RNF19B: variants seen among roughly 807,000 people sequenced by gnomAD.
The protein encoded by RNF19B is ring finger protein 19B.
Under a neutral mutation model 65.5 loss-of-function variants are expected in RNF19B, and 23 were observed. The observed-to-expected ratio is 0.35, with a 90% CI of 0.25 to 0.50. RNF19B has a LOEUF of 0.50. RNF19B is among the 20% of genes least tolerant of loss of function. The pLI, the probability that RNF19B is intolerant of heterozygous loss-of-function variation, is 0.98. For missense variants in RNF19B, 794 were observed against 980.0 expected (o/e 0.81, Z 2.53); for synonymous variants, 372 against 379.6 (o/e 0.98, Z 0.23).
At chr1:32,943,952 C>G in intron 6 of RNF19B, 67 bp downstream of exon 6, 1 of 1,491,336 alleles carries the variant, frequency 6.7e-7, no homozygotes, top group Non-Finnish European at 9.2e-7. Flanking sequence ...GTAAAATGCG[C>G]TGAATTTTAC....
intron 1 of RNF19B, among the ~76,000 whole-genome samples, chr1:32,958,101 C>T (rs1436992102): frequency 6.6e-6 from 1 of 152,136 alleles, no homozygotes; most frequent in Non-Finnish European, 1.5e-5. Context: ...AATAAGGACA[C>T]TAACCAAAGG....
At chr1:32,938,677 C>T in intron 7 of RNF19B, 149 bp from the exon 8 acceptor site, 1 of 757,988 alleles carries the variant, frequency 1.3e-6, no homozygotes, top group East Asian at 2.6e-5. Flanking sequence ...AAATAGATGC[C>T]CATACATTTT....
intron 1 of RNF19B, among the ~76,000 whole-genome samples, chr1:32,961,082 T>C (rs538874819): frequency 4.1e-4 from 63 of 152,290 alleles, no homozygotes; most frequent in Non-Finnish European, 7.4e-4. Context: ...ATTTGGCAAC[T>C]AACAGAATTT....
chr1:32,952,650 G>A (rs112577000), intron 1 of RNF19B, among the ~76,000 whole-genome samples: 20,260 of 151,410 alleles, frequency 0.13, 1,947 homozygotes, highest in African/African-American at 0.25. Context: ...GCTGAGGGAG[G>A]AGAATCGCTT....
At chr1:32,935,233 G>A (rs184050198), downstream of RNF19B, among the ~76,000 whole-genome samples, 67 of 152,036 alleles carry the variant, frequency 4.4e-4, no homozygotes, top group East Asian at 0.012. Flanking sequence ...CACCTCCCAG[G>A]TTCAAGCGAT....
intron 7 of RNF19B, among the ~76,000 whole-genome samples, chr1:32,940,598 T>C (rs1642209449): frequency 6.6e-6 from 1 of 152,224 alleles, no homozygotes; most frequent in South Asian, 2.1e-4. Flanking sequence ...GTCATCTTAA[T>C]CTACCTTTTG....
chr1:32,954,886 A>G (rs756623375), intron 1 of RNF19B, among the ~76,000 whole-genome samples: 18 of 152,078 alleles, frequency 1.2e-4, no homozygotes, highest in Non-Finnish European at 7.4e-5. Context: ...AAAACATCGT[A>G]CACTCTGTCC....
At position 32,956,856 on chromosome 1, in the gene RNF19B, GC is replaced by G. The variant is rs5773390; in HGVS notation, c.636-7083del. Among the ~76,000 whole-genome samples the G allele has an allele frequency of 9.1e-3, 1,391 of 152,190 alleles. 20 individuals are homozygous for G. Among genetic ancestry groups the G allele is most frequent in the African/African-American group, 0.032 (1,326 of 41,508 alleles). Reference sequence around the variant, plus strand: ...TCCCCAAGTCATGTAACATAACTAGGCTACCCATTTACAAATAGACCCCTAG... The same window carrying G: ...TCCCCAAGTCATGTAACATAACTAGGTACCCATTTACAAATAGACCCCTAG... On this transcript the variant is annotated intron_variant, in intron 1 of 8. Coordinates refer to ENST00000235150, the MANE Select transcript of RNF19B (RefSeq NM_001300826.2).
intron 3 of RNF19B, among the ~76,000 whole-genome samples, chr1:32,947,386 G>A (rs1350147866): frequency 1.3e-5 from 2 of 152,170 alleles, no homozygotes; most frequent in African/African-American, 4.8e-5. Flanking sequence ...GAGGCTGGGC[G>A]CGGTGGCTCG....
rs911324471 is a variant in RNF19B, at chr1:32,954,365, C to T, written c.636-4591G>A. 1.7e-4 allele frequency among the ~76,000 whole-genome samples: 26 copies of T among 152,028 alleles called. 1 individual carries two copies. In the East Asian group the frequency reaches 4.6e-3, roughly 27 times the overall value. On this transcript the variant is annotated intron_variant, in intron 1 of 8. Transcript: ENST00000235150. The stretch of plus-strand genomic sequence containing the variant: ...CTACGACACAGAATTACTCAGGGCA[C>T]GAGATTTGGCATTCCTGTTTTTGGG...
At chr1:32,952,445 A>C (rs1321868375) in intron 1 of RNF19B, among the ~76,000 whole-genome samples, 4 of 147,718 alleles carry the variant, frequency 2.7e-5, no homozygotes, top group South Asian at 4.3e-4. Context: ...AAAAAAAAAA[A>C]AAAAAAAAAA....
chr1:32,938,535 A>G lies in RNF19B; in HGVS notation c.1611-7T>C, dbSNP rs761303761. The G allele has an allele frequency of 9.9e-6, 16 of 1,613,464 alleles. No homozygotes were observed. Among genetic ancestry groups the G allele is most frequent in the Admixed American group, 5.0e-5 (3 of 59,966 alleles). ...ATCGGCTTGAACTTCTAACCTGTGT[A>G]AAGAGGGGACGTTCAAGTTAATATG... On this transcript the variant is annotated splice_polypyrimidine_tract_variant and splice_region_variant and intron_variant, in intron 7 of 8. Coordinates refer to ENST00000235150, the MANE Select transcript of RNF19B (RefSeq NM_001300826.2).
downstream of RNF19B, among the ~76,000 whole-genome samples, chr1:32,934,537 C>T (rs1184964075): frequency 2.6e-5 from 4 of 151,932 alleles, no homozygotes; most frequent in Non-Finnish European, 5.9e-5. Flanking sequence ...AAAAATTAGC[C>T]GGGTGTGGTG....
At position 32,936,681 on chromosome 1, in the gene RNF19B, A is replaced by C. The variant is rs2124098827; in HGVS notation, c.*125T>G. 1.0e-6 allele frequency: 1 copy of C among 988,478 alleles called. No individual in the cohort carries two copies. The highest frequency in any genetic ancestry group is 1.4e-6 in the Non-Finnish European group (1 of 726,016). The allele number at this position is 988,478 out of a possible 1,614,324, so 61.2% of individuals were successfully genotyped here. A position where few individuals can be genotyped will look rare whatever the true frequency, so the allele number is the denominator to read the frequency against. On this transcript the variant is annotated 3_prime_UTR_variant, in exon 9 of 9. Coordinates refer to ENST00000235150, the MANE Select transcript of RNF19B (RefSeq NM_001300826.2). Reference sequence around the variant, plus strand: ...ATTTCTCAGAATTTCCCTGGGCAAAAACCTGTGACCAGAGAATCTGTGAAA... The same window carrying C: ...ATTTCTCAGAATTTCCCTGGGCAAACACCTGTGACCAGAGAATCTGTGAAA...
At chr1:32,947,921 A>G (rs911149866) in intron 3 of RNF19B, among the ~76,000 whole-genome samples, 7 of 152,158 alleles carry the variant, frequency 4.6e-5, no homozygotes, top group Non-Finnish European at 8.8e-5. Flanking sequence ...GTTGAGATAA[A>G]AGGAGGATAC....
downstream of RNF19B, among the ~76,000 whole-genome samples, chr1:32,934,992 C>T (rs1449901035): frequency 1.3e-5 from 2 of 151,648 alleles, no homozygotes; most frequent in South Asian, 2.1e-4. Flanking sequence ...CCACCACGCC[C>T]AGCTAATTTT....
downstream of RNF19B, among the ~76,000 whole-genome samples, chr1:32,931,980 C>T (rs546280886): frequency 8.4e-4 from 128 of 152,260 alleles, no homozygotes; most frequent in African/African-American, 3.0e-3. Context: ...AGAAGCCCAT[C>T]TTTGAGGGCC....
intron 1 of RNF19B, among the ~76,000 whole-genome samples, chr1:32,958,897 G>A (rs1186007009): frequency 6.6e-6 from 1 of 152,158 alleles, no homozygotes; most frequent in Non-Finnish European, 1.5e-5. Flanking sequence ...GCAAATCTGA[G>A]ACAGATGTAT....
At position 32,938,540 on chromosome 1, in the gene RNF19B, G is replaced by A. The variant is rs552137429; in HGVS notation, c.1611-12C>T. On this transcript the variant is annotated splice_polypyrimidine_tract_variant and intron_variant, in intron 7 of 8. Transcript: ENST00000235150. The stretch of plus-strand genomic sequence containing the variant: ...CTTGAACTTCTAACCTGTGTAAAGA[G>A]GGGACGTTCAAGTTAATATGAGACC... 32 of 1,612,954 alleles carry A rather than the reference G, an allele frequency of 2.0e-5. No individual in the cohort carries two copies. In the East Asian group the frequency reaches 6.2e-4, roughly 31 times the overall value.
Sources: allele counts gnomAD v4.1 joint callset (sites outside exome capture counted in the v4.1 genomes callset), GRCh38; gene constraint gnomAD v4.1.1; transcripts MANE v1.5; gene names NCBI Gene and HGNC (gene_info 2026-07-23, HGNC 2026-07-21).